ARL10: variants seen among roughly 807,000 people sequenced by gnomAD.
ARL10 encodes the protein ARF like GTPase 10.
ARL10 carries 23 observed loss-of-function variants against 26.1 expected under a neutral mutation model. That is an observed-to-expected ratio of 0.88 (90% CI 0.63 to 1.25). The LOEUF is 1.25. Among genes scored for constraint, ARL10 ranks in the 50% most tolerant of loss-of-function variants. ARL10 has a pLI of 0.00. For synonymous variants in ARL10, 138 were observed against 149.1 expected (o/e 0.93, Z 0.54); for missense variants, 300 against 323.6 (o/e 0.93, Z 0.56).
downstream of ARL10, chr5:176,388,715 G>T: frequency 6.7e-7 from 1 of 1,487,586 alleles, no homozygotes; most frequent in Non-Finnish European, 9.1e-7. Flanking sequence ...GAGCATTTGC[G>T]CCTGCGTACA....
chr5:176,366,970 A>G (rs971195345), intron 2 of ARL10, among the ~76,000 whole-genome samples: 4 of 150,598 alleles, frequency 2.7e-5, no homozygotes, highest in South Asian at 2.1e-4. Context: ...CAGCAGTAGT[A>G]TCATGAATCC....
chr5:176,406,292 G>T (rs1359259718), downstream of ARL10: 11 of 1,056,676 alleles, frequency 1.0e-5, no homozygotes, highest in Admixed American at 2.1e-4. Flanking sequence ...AGGACCAGAA[G>T]GCAGGAGGCG....
chr5:176,386,713 T>C (rs769395284), downstream of ARL10: 16 of 832,742 alleles, frequency 1.9e-5, no homozygotes, highest in Non-Finnish European at 3.0e-5. Flanking sequence ...CTGTGAACTT[T>C]GAACCAGCTC....
chr5:176,396,661 C>T (rs1421378834), intron 1 of ARL10: 1 of 751,712 alleles, frequency 1.3e-6, no homozygotes, highest in Admixed American at 2.0e-5. Flanking sequence ...TGTTAGGAAG[C>T]ATAGTTCTGG....
intron 1 of ARL10, chr5:176,398,028 T>C: frequency 6.2e-7 from 1 of 1,613,978 alleles, no homozygotes; most frequent in Non-Finnish European, 8.5e-7. Context: ...TGCGTAGCCA[T>C]CAGCAGGACC....
At chr5:176,394,530 G>T (rs1270653658) in intron 1 of ARL10, among the ~76,000 whole-genome samples, 1 of 151,866 alleles carries the variant, frequency 6.6e-6, no homozygotes, top group East Asian at 1.9e-4. Context: ...AAAATTAGCT[G>T]GGTGTGGCCA....
chr5:176,402,377 C>A (rs1756867860), downstream of ARL10, among the ~76,000 whole-genome samples: 1 of 152,224 alleles, frequency 6.6e-6, no homozygotes, highest in African/African-American at 2.4e-5. Flanking sequence ...GTGATCTGGT[C>A]TCTCCCTGGG....
downstream of ARL10, chr5:176,386,889 G>C: frequency 5.0e-6 from 8 of 1,614,028 alleles, no homozygotes; most frequent in Non-Finnish European, 5.1e-6. Flanking sequence ...TCTCCTCTAT[G>C]TCCACCTCCA....
chr5:176,367,002 CTT>C (rs67066126), intron 2 of ARL10, among the ~76,000 whole-genome samples: 11 of 106,528 alleles, frequency 1.0e-4, no homozygotes, highest in Admixed American at 2.1e-4. Context: ...CCTTTCTAGT[CTT>C]TTTTTTTTTT....
In ARL10 at chr5:176,366,528, G is replaced by A. The variant is rs1561771266; in HGVS notation, c.332G>A (p.Gly111Asp). 2 of 1,614,146 alleles carry A rather than the reference G, an allele frequency of 1.2e-6. No individual in the cohort carries two copies. Among genetic ancestry groups the A allele is most frequent in the Non-Finnish European group, 1.7e-6 (2 of 1,180,034 alleles). ...CTGGAAGGCCACATCCCCACCTGGG[G>A]CTTCAACTCCGTGCGTCTGCCCACC... ...PPLEGHIPTW[G>D]FNSVRLPTKD... The change falls in exon 2 of 4, where the codon GGC becomes GAC. Residue 111 changes from glycine (G) to aspartate (D), a missense_variant. Physicochemically the swap from Gly to Asp is moderately conservative, Grantham distance 94. Transcript: ENST00000310389.
In ARL10 at chr5:176,379,157, T is replaced by C. The variant is rs1346635106; in HGVS notation, c.*7262T>C. 1 of 152,072 alleles carries C rather than the reference T, an allele frequency of 6.6e-6. No individual in the cohort carries two copies. The highest frequency in any genetic ancestry group is 1.5e-5 in the Non-Finnish European group (1 of 68,010). The allele number at this position is 152,072 out of a possible 1,614,324, so 9.4% of individuals were successfully genotyped here. A position where few individuals can be genotyped will look rare whatever the true frequency, so the allele number is the denominator to read the frequency against. On this transcript the variant is annotated 3_prime_UTR_variant, in exon 4 of 4. Transcript: ENST00000310389. ...TGTGCTTTCCCAACTATGTTCTTTT[T>C]TATGTATGTATGTATGTATTTATTT...
At chr5:176,384,680 G>A (rs1755693905), downstream of ARL10, 1 of 424,274 alleles carries the variant, frequency 2.4e-6, no homozygotes, top group African/African-American at 2.0e-5. Context: ...CGAGGCAGGA[G>A]GACTGTTTCA....
chr5:176,398,041 T>C (rs776999774), intron 1 of ARL10: 3 of 1,613,872 alleles, frequency 1.9e-6, no homozygotes, highest in African/African-American at 1.3e-5. Flanking sequence ...GCAGGACCGT[T>C]GGCCTCCTAG....
chr5:176,395,571 A>G (rs190602510), intron 1 of ARL10, among the ~76,000 whole-genome samples: 134 of 152,228 alleles, frequency 8.8e-4, no homozygotes, highest in Middle Eastern at 3.4e-3. Flanking sequence ...CAGCTCCACA[A>G]TCCCCACCAC....
intron 2 of ARL10, among the ~76,000 whole-genome samples, chr5:176,367,299 G>A (rs1471549778): frequency 2.6e-5 from 4 of 151,540 alleles, no homozygotes; most frequent in Admixed American, 1.3e-4. Flanking sequence ...GTAAGCCATC[G>A]CACCCCACCA....
At chr5:176,388,598 T>C in exon 2 of ARL10, 1 of 1,496,930 alleles carries the variant, frequency 6.7e-7, no homozygotes, top group Non-Finnish European at 9.2e-7. Flanking sequence ...AGACCTCGTG[T>C]AACAAACTCC....
chr5:176,388,609 T>C, exon 2 of ARL10: 5 of 1,457,222 alleles, frequency 3.4e-6, no homozygotes, highest in Non-Finnish European at 4.8e-6. Flanking sequence ...AACAAACTCC[T>C]TCCGGAAGGC....
chr5:176,410,406 G>A, the ARL10 span: 14 of 852,698 alleles, frequency 1.6e-5, no homozygotes, highest in Middle Eastern at 2.2e-4. Flanking sequence ...GTATACCCAT[G>A]TATATATCGA....
chr5:176,410,452 ACTT>A, the ARL10 span: 1 of 620,450 alleles, frequency 1.6e-6, no homozygotes, highest in Admixed American at 2.9e-5. Flanking sequence ...TATATATATA[ACTT>A]AGGCTCAATC....
Sources: allele counts gnomAD v4.1 joint callset (sites outside exome capture counted in the v4.1 genomes callset), GRCh38; gene constraint gnomAD v4.1.1; transcripts MANE v1.5; gene names NCBI Gene and HGNC (gene_info 2026-07-23, HGNC 2026-07-21).